ZNF385D: variants seen among roughly 807,000 people sequenced by gnomAD.
ZNF385D encodes zinc finger protein 659.
Under a neutral mutation model 35.8 loss-of-function variants are expected in ZNF385D, and 15 were observed. That is an observed-to-expected ratio of 0.42 (90% CI 0.28 to 0.64). The LOEUF (loss-of-function observed/expected upper bound fraction) is 0.64. Ranked by LOEUF, ZNF385D falls within the 30% of genes least tolerant of loss-of-function variation. The pLI is 0.23. For missense variants in ZNF385D, 474 were observed against 494.6 expected (o/e 0.96, Z 0.39); for synonymous variants, 212 against 186.8 (o/e 1.13, Z -1.10).
intron 3 of ZNF385D, among the ~76,000 whole-genome samples, chr3:21,872,253 C>T (rs1240012586): frequency 6.6e-6 from 1 of 152,114 alleles, no homozygotes; most frequent in Non-Finnish European, 1.5e-5. Context: ...TTTAGCAGTA[C>T]AGACTTAGTA....
intron 2 of ZNF385D, among the ~76,000 whole-genome samples, chr3:22,364,135 T>G (rs1696543521): frequency 6.6e-6 from 1 of 152,138 alleles, no homozygotes; most frequent in Non-Finnish European, 1.5e-5. Flanking sequence ...TTTGATTTAG[T>G]GATCCTTTAC....
At chr3:21,765,614 T>C (rs554380424) in intron 3 of ZNF385D, among the ~76,000 whole-genome samples, 99 of 151,040 alleles carry the variant, frequency 6.6e-4, no homozygotes, top group African/African-American at 2.3e-3. Context: ...TAATACAGAT[T>C]CATGTGCAAG....
At chr3:21,608,991 G>A (rs2064584349) in intron 2 of ZNF385D, among the ~76,000 whole-genome samples, 1 of 152,164 alleles carries the variant, frequency 6.6e-6, no homozygotes, top group Non-Finnish European at 1.5e-5. Flanking sequence ...ATGTAATCAA[G>A]TATTTGATAT....
upstream of ZNF385D, among the ~76,000 whole-genome samples, chr3:21,755,700 TTTTC>T (rs2070309072): frequency 6.6e-6 from 1 of 152,156 alleles, no homozygotes; most frequent in African/African-American, 2.4e-5. Context: ...TGAAAGAGGA[TTTTC>T]TTTTTTAACT....
At chr3:22,045,232 T>C (rs1368423479) in intron 3 of ZNF385D, among the ~76,000 whole-genome samples, 2 of 152,134 alleles carry the variant, frequency 1.3e-5, no homozygotes, top group Non-Finnish European at 2.9e-5. Context: ...CCAGGTCTTA[T>C]ATTTAAGTCT....
chr3:21,556,461 A>T (rs1227835799), intron 3 of ZNF385D, among the ~76,000 whole-genome samples: 1 of 152,132 alleles, frequency 6.6e-6, no homozygotes, highest in African/African-American at 2.4e-5. Context: ...TTTTCTCAAC[A>T]CCATTTATTA....
intron 3 of ZNF385D, among the ~76,000 whole-genome samples, chr3:21,862,387 C>T (rs1230019031): frequency 2.0e-5 from 3 of 151,174 alleles, no homozygotes; most frequent in African/African-American, 7.3e-5. Context: ...TATAAATCAG[C>T]ATGGAATGTC....
intron 3 of ZNF385D, among the ~76,000 whole-genome samples, chr3:21,890,315 G>A (rs1698783740): frequency 6.6e-6 from 1 of 152,094 alleles, no homozygotes; most frequent in Non-Finnish European, 1.5e-5. Flanking sequence ...GGTAGACTCA[G>A]GCAGTATAAT....
intron 3 of ZNF385D, among the ~76,000 whole-genome samples, chr3:22,078,619 G>A (rs897614476): frequency 6.6e-6 from 1 of 152,046 alleles, no homozygotes; most frequent in African/African-American, 2.4e-5. Flanking sequence ...TGGTCACCTT[G>A]TTGACATTAT....
chr3:21,792,207 C>G (rs1351388013), intron 3 of ZNF385D, among the ~76,000 whole-genome samples: 1 of 152,108 alleles, frequency 6.6e-6, no homozygotes, highest in Non-Finnish European at 1.5e-5. Flanking sequence ...CAGATACATT[C>G]TGATGCCCCT....
At chr3:21,432,877 A>C (rs146151859) in intron 5 of ZNF385D, among the ~76,000 whole-genome samples, 1,772 of 152,234 alleles carry the variant, frequency 0.012, 21 homozygotes, top group Middle Eastern at 0.014. Context: ...TTGCAACTTC[A>C]AATGGTTACA....
At chr3:21,518,589 T>C (rs1707722716) in intron 3 of ZNF385D, among the ~76,000 whole-genome samples, 1 of 152,172 alleles carries the variant, frequency 6.6e-6, no homozygotes. Context: ...TAACAAAGAA[T>C]ATCTAATCCA....
intron 4 of ZNF385D, among the ~76,000 whole-genome samples, chr3:21,488,601 T>C (rs1362977501): frequency 6.6e-6 from 1 of 152,056 alleles, no homozygotes; most frequent in African/African-American, 2.4e-5. Flanking sequence ...ACTGTTCTAG[T>C]GAATTTGACT....
intron 2 of ZNF385D, among the ~76,000 whole-genome samples, chr3:21,590,762 A>C (rs879069165): frequency 6.6e-6 from 1 of 152,136 alleles, no homozygotes; most frequent in Non-Finnish European, 1.5e-5. Context: ...CTGCCTAATC[A>C]ATGAGAAAAC....
chr3:22,107,515 A>G (rs896506073), intron 3 of ZNF385D, among the ~76,000 whole-genome samples: 1 of 152,142 alleles, frequency 6.6e-6, no homozygotes, highest in Non-Finnish European at 1.5e-5. Flanking sequence ...AAATAGGGTA[A>G]TAACTGAAGA....
chr3:21,782,670 ACT>A (rs2125639520), intron 3 of ZNF385D, among the ~76,000 whole-genome samples: 1 of 152,180 alleles, frequency 6.6e-6, no homozygotes, highest in Non-Finnish European at 1.5e-5. Flanking sequence ...AACAAATGTA[ACT>A]CTATTTTTCT....
chr3:22,355,495 T>C (rs1469527072), intron 2 of ZNF385D, among the ~76,000 whole-genome samples: 5 of 151,836 alleles, frequency 3.3e-5, no homozygotes, highest in Admixed American at 2.6e-4. Flanking sequence ...AAAAATGAAA[T>C]GAAGTCTCAG....
chr3:21,627,144 A>T (rs769116597), intron 2 of ZNF385D, among the ~76,000 whole-genome samples: 2 of 151,822 alleles, frequency 1.3e-5, no homozygotes, highest in Non-Finnish European at 2.9e-5. Context: ...ATATATTTTT[A>T]AATGAGATGA....
At chr3:22,263,967 C>T (rs757709603) in intron 2 of ZNF385D, among the ~76,000 whole-genome samples, 9 of 151,860 alleles carry the variant, frequency 5.9e-5, no homozygotes, top group Non-Finnish European at 1.2e-4. Flanking sequence ...AGGAATATTC[C>T]TAAACAGAAA....
Sources: gnomAD v4.1 joint callset for allele counts (sites outside exome capture counted in the v4.1 genomes callset) on GRCh38, gnomAD v4.1.1 for gene constraint, MANE v1.5 for transcripts, NCBI Gene and HGNC (gene_info 2026-07-23, HGNC 2026-07-21) for gene names.